KCNIP1: variants seen among roughly 807,000 people sequenced by gnomAD.
The protein encoded by KCNIP1 is A-type potassium channel modulatory protein KCNIP1.
A neutral mutation model predicts 33.0 loss-of-function variants in KCNIP1; 18 were observed. The observed-to-expected ratio is 0.55, with a 90% CI of 0.38 to 0.81. KCNIP1 has a LOEUF of 0.81. Among genes scored for constraint, KCNIP1 ranks in the 30% least tolerant of loss-of-function variants. The pLI, the probability that KCNIP1 is intolerant of heterozygous loss-of-function variation, is 0.00. For synonymous variants in KCNIP1, 93 were observed against 98.3 expected, an observed-to-expected ratio of 0.95 and a Z score of 0.32; for missense variants, 238 against 271.6, an observed-to-expected ratio of 0.88 and a Z score of 0.87.
At chr5:170,473,492 T>A (rs1756782244) in intron 1 of KCNIP1, among the ~76,000 whole-genome samples, 1 of 152,190 alleles carries the variant, frequency 6.6e-6, no homozygotes, top group African/African-American at 2.4e-5. Flanking sequence ...AGAGTCTACC[T>A]TCTTACCAAT....
At chr5:170,554,049 T>C (rs555380083) in intron 1 of KCNIP1, among the ~76,000 whole-genome samples, 57 of 152,356 alleles carry the variant, frequency 3.7e-4, no homozygotes, top group African/African-American at 1.3e-3. Flanking sequence ...GCAGCTCCCG[T>C]TGGTCATGCC....
chr5:170,458,798 CA>C (rs950055252), intron 1 of KCNIP1, among the ~76,000 whole-genome samples: 2 of 151,886 alleles, frequency 1.3e-5, no homozygotes, highest in Non-Finnish European at 2.9e-5. Flanking sequence ...ATTAAGACAA[CA>C]ACAAAAAACA....
At chr5:170,719,099 C>T (rs1169118135) in intron 2 of KCNIP1, among the ~76,000 whole-genome samples, 1 of 152,056 alleles carries the variant, frequency 6.6e-6, no homozygotes, top group Non-Finnish European at 1.5e-5. Context: ...CGGCCAACTG[C>T]CCAGAAATTT....
At chr5:170,427,846 T>C (rs1364323755) in intron 1 of KCNIP1, among the ~76,000 whole-genome samples, 1 of 152,212 alleles carries the variant, frequency 6.6e-6, no homozygotes, top group South Asian at 2.1e-4. Context: ...TCCTGCAGCA[T>C]CTGAGTCCAA....
chr5:170,686,234 C>A (rs149849520), intron 1 of KCNIP1, among the ~76,000 whole-genome samples: 2 of 152,238 alleles, frequency 1.3e-5, no homozygotes, highest in East Asian at 3.9e-4. Flanking sequence ...ATATTTCTCT[C>A]TCCAGAGAGA....
At chr5:170,447,586 G>A (rs539434155) in intron 1 of KCNIP1, among the ~76,000 whole-genome samples, 3 of 152,254 alleles carry the variant, frequency 2.0e-5, no homozygotes, top group African/African-American at 7.2e-5. Context: ...CCAGAATTCA[G>A]CCTCAGGGAT....
At chr5:170,573,437 G>C (rs1369982908) in intron 1 of KCNIP1, among the ~76,000 whole-genome samples, 1 of 151,900 alleles carries the variant, frequency 6.6e-6, no homozygotes, top group African/African-American at 2.4e-5. Flanking sequence ...GAATTCTCCA[G>C]GTAACCTCTT....
intron 1 of KCNIP1, among the ~76,000 whole-genome samples, chr5:170,436,033 C>T (rs1313295146): frequency 6.6e-6 from 1 of 152,138 alleles, no homozygotes; most frequent in Non-Finnish European, 1.5e-5. Context: ...CTGGCCTCGT[C>T]CCAATCCTCT....
intron 1 of KCNIP1, among the ~76,000 whole-genome samples, chr5:170,551,925 C>A (rs758454276): frequency 6.7e-6 from 1 of 149,514 alleles, no homozygotes; most frequent in African/African-American, 2.5e-5. Context: ...TATGAGTACA[C>A]GTATGAATGT....
At chr5:170,723,586 G>GTTTATCCAACTTTCATTCCTCATTCAT (rs1763903727) in intron 5 of KCNIP1, among the ~76,000 whole-genome samples, 3 of 152,300 alleles carry the variant, frequency 2.0e-5, no homozygotes, top group African/African-American at 7.2e-5. Flanking sequence ...AGCTCAGAGA[G>GTTTATCCAACTTTCATTCCTCATTCAT]TTTATCCAAC....
At chr5:170,701,968 C>T (rs551827316) in intron 1 of KCNIP1, among the ~76,000 whole-genome samples, 2 of 152,280 alleles carry the variant, frequency 1.3e-5, no homozygotes, top group South Asian at 2.1e-4. Context: ...AGCCTTCCTT[C>T]GCTATCCTAA....
At chr5:170,508,227 G>A (rs1289448228) in intron 1 of KCNIP1, among the ~76,000 whole-genome samples, 1 of 152,228 alleles carries the variant, frequency 6.6e-6, no homozygotes, top group Admixed American at 6.5e-5. Context: ...TGAAAGGGCT[G>A]AGCTTCGGAT....
intron 1 of KCNIP1, among the ~76,000 whole-genome samples, chr5:170,467,313 G>A (rs1342648813): frequency 6.6e-6 from 1 of 152,170 alleles, no homozygotes; most frequent in African/African-American, 2.4e-5. Flanking sequence ...TGTCCAAGCT[G>A]AGAGGAAACA....
chr5:170,541,386 C>T (rs1581298096), intron 1 of KCNIP1, among the ~76,000 whole-genome samples: 1 of 152,320 alleles, frequency 6.6e-6, no homozygotes, highest in East Asian at 1.9e-4. Flanking sequence ...AAGTGTCTGT[C>T]TGAACTCATA....
At position 170,722,841 on chromosome 5, in the gene KCNIP1, G is replaced by A. The variant is rs78616308; in HGVS notation, c.435+21G>A. On this transcript the variant is annotated intron_variant, in intron 5 of 7. Coordinates refer to ENST00000328939, the MANE Select transcript of KCNIP1 (RefSeq NM_014592.4). ...AAGAGGTAAGTGAGCTGGGGCCAGG[G>A]GTGTGAGAGGGCTCCAGTGAAGGTA... 1,240 of 1,471,536 alleles carry A rather than the reference G, an allele frequency of 8.4e-4. 11 individuals are homozygous for A. In the African/African-American group the frequency reaches 0.015, roughly 18 times the overall value. 91.2% of individuals were successfully genotyped at this position (1,471,536 alleles called of 1,614,324 possible).
intron 1 of KCNIP1, among the ~76,000 whole-genome samples, chr5:170,368,723 A>G (rs1763767628): frequency 6.6e-6 from 1 of 152,196 alleles, no homozygotes; most frequent in South Asian, 2.1e-4. Flanking sequence ...CTGGCATATC[A>G]CTGGCTGTTC....
intron 1 of KCNIP1, among the ~76,000 whole-genome samples, chr5:170,615,887 T>C (rs1581401222): frequency 6.6e-6 from 1 of 152,338 alleles, no homozygotes; most frequent in East Asian, 1.9e-4. Flanking sequence ...ACATAGTGAG[T>C]GCTTCCTATA....
intron 1 of KCNIP1, among the ~76,000 whole-genome samples, chr5:170,505,996 C>T (rs576066119): frequency 1.3e-5 from 2 of 152,320 alleles, no homozygotes; most frequent in African/African-American, 4.8e-5. Context: ...ACATTCTAAG[C>T]CTCACCTCTC....
At chr5:170,494,437 T>C (rs1485516180) in intron 1 of KCNIP1, among the ~76,000 whole-genome samples, 1 of 152,134 alleles carries the variant, frequency 6.6e-6, no homozygotes, top group Non-Finnish European at 1.5e-5. Context: ...ATCTTCCATG[T>C]AGAGTGAGGG....
Sources: allele counts gnomAD v4.1 joint callset (sites outside exome capture counted in the v4.1 genomes callset), GRCh38; gene constraint gnomAD v4.1.1; transcripts MANE v1.5; gene names NCBI Gene and HGNC (gene_info 2026-07-23, HGNC 2026-07-21).